Variants in JAKMIP1 observed in about 807,000 individuals in gnomAD.
The protein encoded by JAKMIP1 is janus kinase and microtubule-interacting protein 1.
Under a neutral mutation model 113.0 loss-of-function variants are expected in JAKMIP1, and 33 were observed. That is an observed-to-expected ratio of 0.29 (90% CI 0.22 to 0.39). The LOEUF is 0.39. Among genes scored for constraint, JAKMIP1 ranks in the 10% least tolerant of loss-of-function variants. The pLI, the probability that JAKMIP1 is intolerant of heterozygous loss-of-function variation, is 1.00. For missense variants in JAKMIP1, 813 were observed against 1,080.5 expected (o/e 0.75, Z 3.47); for synonymous variants, 480 against 459.9 (o/e 1.04, Z -0.56).
rs895121880 is a variant in JAKMIP1 at position 6,059,981 on chromosome 4, A to C, written c.1644+443T>G. ...GGTAGGTGCAGTTGACTCTAACCTG[A>C]GCAGCACAGGACCAGACTGTTCTAA... On this transcript the variant is annotated intron_variant, in intron 11 of 20. Transcript: ENST00000409021. The surrounding 1 kb of genome is among the most constrained non-coding windows in gnomAD (Gnocchi z 4.8). 1.3e-5 allele frequency among the ~76,000 whole-genome samples: 2 copies of C among 152,148 alleles called. No individual in the cohort carries two copies. Among genetic ancestry groups the C allele is most frequent in the African/African-American group, 4.8e-5 (2 of 41,436 alleles).
At chr4:6,095,633 C>A (rs781773879) in intron 3 of JAKMIP1, among the ~76,000 whole-genome samples, 1 of 152,192 alleles carries the variant, frequency 6.6e-6, no homozygotes, top group Non-Finnish European at 1.5e-5. Flanking sequence ...AACGCGGATG[C>A]AATAGACCAC....
Position 6,127,521 on chromosome 4 carries a change from G to A in JAKMIP1, c.-147-14524C>T, listed in dbSNP as rs1717866746. Among the ~76,000 whole-genome samples the A allele has an allele frequency of 2.0e-5, 3 of 152,224 alleles. No homozygotes were observed. In the South Asian group the frequency reaches 6.2e-4, roughly 31 times the overall value. On this transcript the variant is annotated intron_variant, in intron 1 of 20. Coordinates refer to ENST00000409021, the MANE Select transcript of JAKMIP1 (RefSeq NM_001099433.2). ...TCAGCCTCAGGCTCCCTGGCAAATGGCTTGGTGGGACCTCACTGGCACGTT... is the reference window on the plus strand; with the variant it reads ...TCAGCCTCAGGCTCCCTGGCAAATGACTTGGTGGGACCTCACTGGCACGTT...
intron 1 of JAKMIP1, among the ~76,000 whole-genome samples, chr4:6,127,313 C>G (rs550892440): frequency 2.0e-5 from 3 of 152,218 alleles, no homozygotes; most frequent in Non-Finnish European, 2.9e-5. Context: ...AACTGAGGCT[C>G]GGAGCCACAA....
rs7435579 is a variant in JAKMIP1, at chr4:6,139,081, C to A, written c.-147-26084G>T. ...ACACACACACACACACACACACACA[C>A]ACATATACACACACACACACACACC... is the stretch of plus-strand genomic sequence containing the variant. On this transcript the variant is annotated intron_variant, in intron 1 of 20. Coordinates refer to ENST00000409021, the MANE Select transcript of JAKMIP1 (RefSeq NM_001099433.2). The surrounding 1 kb of genome is among the most constrained non-coding windows in gnomAD (Gnocchi z 5.2). 2.7e-5 allele frequency among the ~76,000 whole-genome samples: 1 copy of A among 37,466 alleles called. No homozygotes were observed. Among genetic ancestry groups the A allele is most frequent in the Non-Finnish European group, 8.4e-5 (1 of 11,868 alleles). The allele number at this position is 37,466 out of a possible 152,430, so 24.6% of individuals were successfully genotyped here. A position where few individuals can be genotyped will look rare whatever the true frequency, so the allele number is the denominator to read the frequency against.
intron 2 of JAKMIP1, 28 bp from the exon 3 acceptor site, chr4:6,105,995 T>C (rs1713881301): frequency 2.0e-6 from 2 of 988,330 alleles, no homozygotes; most frequent in Non-Finnish European, 1.5e-6. Context: ...AGAGAGCCGG[T>C]CAGGGTCAGG....
chr4:6,195,357 C>A (rs1347113064), intron 1 of JAKMIP1, among the ~76,000 whole-genome samples: 1 of 152,142 alleles, frequency 6.6e-6, no homozygotes, highest in Non-Finnish European at 1.5e-5. Context: ...TGTGGATGTA[C>A]TTCATGCCAC....
Position 6,142,699 on chromosome 4 carries a change from C to T in JAKMIP1, c.-147-29702G>A, listed in dbSNP as rs1453664857. Among the ~76,000 whole-genome samples the T allele has an allele frequency of 1.3e-5, 2 of 152,156 alleles. No individual in the cohort carries two copies. The highest frequency in any genetic ancestry group is 4.8e-5 in the African/African-American group (2 of 41,428). The stretch of plus-strand genomic sequence containing the variant: ...TTCCCAGCCGCCACCCTGAGGTTTC[C>T]AGGAGATGGCAATGGATGGGGTGCT... On this transcript the variant is annotated intron_variant, in intron 1 of 20. Coordinates refer to ENST00000409021, the MANE Select transcript of JAKMIP1 (RefSeq NM_001099433.2). The surrounding 1 kb of genome is among the most constrained non-coding windows in gnomAD (Gnocchi z 5.5).
rs1719668649 is a variant in JAKMIP1 at position 6,076,173 on chromosome 4, T to A, written c.1302+2766A>T. ...CCCAGGCAACAAGAGCGAAACTCCA[T>A]CTCAAAAAAAATTAGTAAATAAATA... On this transcript the variant is annotated intron_variant, in intron 8 of 20. Transcript: ENST00000409021. The surrounding 1 kb of genome is among the most constrained non-coding windows in gnomAD (Gnocchi z 4.8). 6.6e-6 allele frequency among the ~76,000 whole-genome samples: 1 copy of A among 151,990 alleles called. No individual in the cohort carries two copies. Among genetic ancestry groups the A allele is most frequent in the South Asian group, 2.1e-4 (1 of 4,826 alleles).
rs1286424201 is a variant in JAKMIP1 at position 6,155,184 on chromosome 4, G to T, written c.-147-42187C>A. Among the ~76,000 whole-genome samples the T allele has an allele frequency of 1.3e-5, 2 of 152,088 alleles. No individual in the cohort carries two copies. The highest frequency in any genetic ancestry group is 2.9e-5 in the Non-Finnish European group (2 of 68,034). On this transcript the variant is annotated intron_variant, in intron 1 of 20. Transcript: ENST00000409021. This position sits in a 1 kb window ranked among gnomAD's most constrained non-coding sequence, Gnocchi z 6.1. ...AGGCCTACACATGAATGCCTGGCTG[G>T]AGCTTCCCTCCGCAGTGACCCTGGT...
intron 5 of JAKMIP1, 91 bp downstream of exon 5, chr4:6,084,755 G>T: frequency 7.6e-7 from 1 of 1,308,024 alleles, no homozygotes; most frequent in Non-Finnish European, 1.0e-6. Flanking sequence ...GAAGGCTTCT[G>T]CATTAACTTT....
Position 6,197,472 on chromosome 4 carries a change from A to G in JAKMIP1, c.-148+2781T>C, listed in dbSNP as rs529385770. On this transcript the variant is annotated intron_variant, in intron 1 of 20. Coordinates refer to ENST00000409021, the MANE Select transcript of JAKMIP1 (RefSeq NM_001099433.2). The surrounding 1 kb of genome is among the most constrained non-coding windows in gnomAD (Gnocchi z 6.5). ...ACACCTCTGATCCCCACACCAACCT[A>G]GCCAAAGAGATGCCACTGCCCCCTT... is the stretch of plus-strand genomic sequence containing the variant. Among the ~76,000 whole-genome samples the G allele has an allele frequency of 6.6e-6, 1 of 152,318 alleles. No individual in the cohort carries two copies. Among genetic ancestry groups the G allele is most frequent in the South Asian group, 2.1e-4 (1 of 4,820 alleles).
Position 6,183,749 on chromosome 4 carries a change from C to G in JAKMIP1, c.-148+16504G>C, listed in dbSNP as rs952137875. 6.6e-6 allele frequency among the ~76,000 whole-genome samples: 1 copy of G among 152,198 alleles called. No homozygotes were observed. ...CCAATATTAACCCTGGTAGACCCCACTGCAGGGACCTGGGCTGCCAGGTGA... is the reference window on the plus strand; with the variant it reads ...CCAATATTAACCCTGGTAGACCCCAGTGCAGGGACCTGGGCTGCCAGGTGA... On this transcript the variant is annotated intron_variant, in intron 1 of 20. Transcript: ENST00000409021. This position sits in a 1 kb window ranked among gnomAD's most constrained non-coding sequence, Gnocchi z 5.3.
chr4:6,040,593 T>C lies in JAKMIP1; in HGVS notation c.2175+46A>G, dbSNP rs1405987278. 14 of 1,384,980 alleles carry C rather than the reference T, an allele frequency of 1.0e-5. No individual in the cohort carries two copies. The highest frequency in any genetic ancestry group is 1.3e-5 in the Non-Finnish European group (13 of 974,454). The allele number at this position is 1,384,980 out of a possible 1,614,324, so 85.8% of individuals were successfully genotyped here. ...CCCCAGAGGAAAAAGCAGCCTCTAA[T>C]GTGGAGTCTAAGAAGCCAAAGTGTC... is the stretch of plus-strand genomic sequence containing the variant. On this transcript the variant is annotated intron_variant, in intron 18 of 20. Coordinates refer to ENST00000409021, the MANE Select transcript of JAKMIP1 (RefSeq NM_001099433.2). This position sits in a 1 kb window ranked among gnomAD's most constrained non-coding sequence, Gnocchi z 5.8.
chr4:6,153,635 T>C lies in JAKMIP1; in HGVS notation c.-147-40638A>G, dbSNP rs1326714510. ...AACGTTTTGTGGAAGGCCATCATGT[T>C]CCCGTGTGCCCCTCGGCACCTTACC... On this transcript the variant is annotated intron_variant, in intron 1 of 20. Coordinates refer to ENST00000409021, the MANE Select transcript of JAKMIP1 (RefSeq NM_001099433.2). This position sits in a 1 kb window ranked among gnomAD's most constrained non-coding sequence, Gnocchi z 4.9. Among the ~76,000 whole-genome samples the C allele has an allele frequency of 6.6e-6, 1 of 152,194 alleles. No homozygotes were observed. The highest frequency in any genetic ancestry group is 2.4e-5 in the African/African-American group (1 of 41,440).
intron 3 of JAKMIP1, among the ~76,000 whole-genome samples, chr4:6,098,712 GAAAGAAAGAAAAAGAAAGAA>G (rs780420190): frequency 1.2e-4 from 1 of 8,618 alleles, no homozygotes; most frequent in Admixed American, 2.2e-3. Context: ...AAGAAAGAAA[GAAAGAAAGAAAAAGAAAGAA>G]AGAGAAGGAA....
At position 6,044,844 on chromosome 4, in the gene JAKMIP1, CAA is replaced by C. The variant is rs1714782633; in HGVS notation, c.2029-2619_2029-2618del. On this transcript the variant is annotated intron_variant, in intron 16 of 20. Coordinates refer to ENST00000409021, the MANE Select transcript of JAKMIP1 (RefSeq NM_001099433.2). This position sits in a 1 kb window ranked among gnomAD's most constrained non-coding sequence, Gnocchi z 4.4. ...CCACGTGAGATCAGAAATTTAATAT[CAA>C]AGAGTTTGGCCAGATAGCTGTGGAG... Among the ~76,000 whole-genome samples, 1 of 152,232 alleles carries C rather than the reference CAA, an allele frequency of 6.6e-6. No homozygotes were observed. The highest frequency in any genetic ancestry group is 6.5e-5 in the Admixed American group (1 of 15,288).
chr4:6,086,186 C>T lies in JAKMIP1; in HGVS notation c.625-557G>A, dbSNP rs1721280802. ...GACTCACGACCTCCTGCTCCCTCTC[C>T]CCAAGGCCACTTCCCATGGTTTCTA... On this transcript the variant is annotated intron_variant, in intron 3 of 20. Coordinates refer to ENST00000409021, the MANE Select transcript of JAKMIP1 (RefSeq NM_001099433.2). The surrounding 1 kb of genome is among the most constrained non-coding windows in gnomAD (Gnocchi z 4.1). Among the ~76,000 whole-genome samples the T allele has an allele frequency of 6.6e-6, 1 of 152,154 alleles. No homozygotes were observed. Among genetic ancestry groups the T allele is most frequent in the Non-Finnish European group, 1.5e-5 (1 of 68,024 alleles).
chr4:6,123,308 A>G (rs1716964325), intron 1 of JAKMIP1, among the ~76,000 whole-genome samples: 1 of 152,212 alleles, frequency 6.6e-6, no homozygotes, highest in East Asian at 1.9e-4. Flanking sequence ...CTTGATTCTC[A>G]GGATTTTCAC....
Position 6,157,586 on chromosome 4 carries a change from A to G in JAKMIP1, c.-148+42667T>C, listed in dbSNP as rs1386041273. On this transcript the variant is annotated intron_variant, in intron 1 of 20. Transcript: ENST00000409021. This position sits in a 1 kb window ranked among gnomAD's most constrained non-coding sequence, Gnocchi z 4.7. ...TAAGCCACTGGCACAGACCATCACA[A>G]CTCAGAACCGGGATCTCCGAGCTAC... 6.6e-6 allele frequency among the ~76,000 whole-genome samples: 1 copy of G among 152,052 alleles called. No individual in the cohort carries two copies. The highest frequency in any genetic ancestry group is 2.4e-5 in the African/African-American group (1 of 41,384).
Sources: allele counts gnomAD v4.1 joint callset (sites outside exome capture counted in the v4.1 genomes callset), GRCh38; gene constraint gnomAD v4.1.1; non-coding constraint Gnocchi (gnomAD v3.1); transcripts MANE v1.5; gene names NCBI Gene and HGNC (gene_info 2026-07-23, HGNC 2026-07-21).